The following NPAT variants were observed in gnomAD, a reference collection of about 807,000 sequenced individuals.
The protein encoded by NPAT is protein NPAT.
NPAT carries 52 observed loss-of-function variants against 130.7 expected under a neutral mutation model. The observed-to-expected ratio is 0.40, with a 90% CI of 0.32 to 0.50. NPAT has a LOEUF of 0.50. NPAT is among the 20% of genes least tolerant of loss of function. The pLI is 0.68. For missense variants in NPAT, 1,687 were observed against 1,662.6 expected (o/e 1.01, Z -0.26); for synonymous variants, 580 against 584.8 (o/e 0.99, Z 0.12).
Position 108,172,880 on chromosome 11 carries a change from G to T in NPAT, c.2104C>A (p.Pro702Thr). ...ACTGAAGAACACACAGATTCTGGAGGAAGAGAGTGACTGTTTTCTACAGGA... is the reference window on the plus strand; with the variant it reads ...ACTGAAGAACACACAGATTCTGGAGTAAGAGAGTGACTGTTTTCTACAGGA... ...GTPVENSHSLPPESVCSSVGD... is the reference protein window; with the variant it reads ...GTPVENSHSLTPESVCSSVGD... The change falls in exon 13 of 18, where the codon CCT becomes ACT. Residue 702 changes from proline (P) to threonine (T), a missense_variant. Pro to Thr is a conservative substitution (Grantham distance 38). Around this residue, in one of 3 missense-constraint regions of NPAT, gnomAD observed 1,379 missense variants for 1,346.6 expected, o/e 1.02. Coordinates refer to ENST00000278612, the MANE Select transcript of NPAT (RefSeq NM_002519.3). The T allele has an allele frequency of 6.2e-7, 1 of 1,614,082 alleles. No individual in the cohort carries two copies. Among genetic ancestry groups the T allele is most frequent in the South Asian group, 1.1e-5 (1 of 91,086 alleles).
At chr11:108,194,039 A>G (rs1468269742) in intron 2 of NPAT, 22 bp from the exon 3 acceptor site, 2 of 1,246,304 alleles carry the variant, frequency 1.6e-6, no homozygotes, top group Admixed American at 3.4e-5. Context: ...AAGATCAAAT[A>G]TTACCAAAAT....
At chr11:108,218,371 A>G (rs889400316) in intron 1 of NPAT, among the ~76,000 whole-genome samples, 8 of 152,228 alleles carry the variant, frequency 5.3e-5, no homozygotes, top group African/African-American at 1.9e-4. Flanking sequence ...AGATAAAAAG[A>G]GAGGTTTAAA....
chr11:108,166,228 C>T (rs893730056), intron 15 of NPAT, among the ~76,000 whole-genome samples: 1 of 151,970 alleles, frequency 6.6e-6, no homozygotes, highest in Non-Finnish European at 1.5e-5. Context: ...CCTGTCTCTA[C>T]TAAAAATACA....
chr11:108,212,246 C>T (rs768777839), intron 1 of NPAT, among the ~76,000 whole-genome samples: 5 of 151,982 alleles, frequency 3.3e-5, no homozygotes, highest in South Asian at 2.1e-4. Context: ...GCATCCAGGC[C>T]GGGTGCAGTG....
In NPAT at chr11:108,169,932, CGAG is replaced by C; in HGVS notation, c.2894_2896del (p.Pro965del). The C allele has an allele frequency of 6.2e-7, 1 of 1,612,668 alleles. No individual in the cohort carries two copies. The highest frequency in any genetic ancestry group is 1.1e-5 in the South Asian group (1 of 91,030). ...TTTTCAGTTCATAAATCTTACCTGC[CGAG>C]GAGGAGTAGAAAAGTTATTTCCATT... On this transcript the variant is annotated inframe_deletion, in exon 14 of 18. Coordinates refer to ENST00000278612, the MANE Select transcript of NPAT (RefSeq NM_002519.3).
At chr11:108,214,870 T>A (rs2078418499) in intron 1 of NPAT, among the ~76,000 whole-genome samples, 1 of 152,116 alleles carries the variant, frequency 6.6e-6, no homozygotes, top group South Asian at 2.1e-4. Flanking sequence ...TGACCTCAGG[T>A]GATTTGCCCG....
intron 7 of NPAT, among the ~76,000 whole-genome samples, chr11:108,187,001 C>T (rs2078114001): frequency 6.6e-6 from 1 of 152,158 alleles, no homozygotes; most frequent in African/African-American, 2.4e-5. Context: ...TTACCACTTA[C>T]TACCTATGGT....
intron 1 of NPAT, among the ~76,000 whole-genome samples, chr11:108,207,438 G>A (rs2078339572): frequency 6.6e-6 from 1 of 152,222 alleles, no homozygotes; most frequent in South Asian, 2.1e-4. Flanking sequence ...CATCCAAGGT[G>A]CCCACGGTGC....
intron 1 of NPAT, among the ~76,000 whole-genome samples, chr11:108,208,209 A>G (rs1321512915): frequency 6.6e-6 from 1 of 152,184 alleles, no homozygotes. Context: ...GTTTTGGAGC[A>G]TTCTGAATTT....
Position 108,161,200 on chromosome 11 carries a change from T to C in NPAT, c.3886A>G (p.Ser1296Gly). 6.2e-7 allele frequency: 1 copy of C among 1,614,184 alleles called. No individual in the cohort carries two copies. The highest frequency in any genetic ancestry group is 1.1e-5 in the South Asian group (1 of 91,084). ...ACTTTTGATGTACTACTGTCTTCAC[T>C]GAAACGCCTACTAGAGGGGGCCTTG... is the stretch of plus-strand genomic sequence containing the variant. ...IIKAPSSRRF[S>G]EDSSTSKVMV... The change falls in exon 17 of 18, where the codon AGT (serine) becomes GGT (glycine). Residue 1296 changes from serine to glycine, a missense_variant. Ser to Gly is a moderately conservative substitution (Grantham distance 56, BLOSUM62 0). Coordinates refer to ENST00000278612, the MANE Select transcript of NPAT (RefSeq NM_002519.3).
chr11:108,203,707 G>T (rs1483053035), intron 1 of NPAT, among the ~76,000 whole-genome samples: 1 of 152,086 alleles, frequency 6.6e-6, no homozygotes, highest in Non-Finnish European at 1.5e-5. Context: ...ACCCCCAAGG[G>T]ATTATATACT....
chr11:108,178,355 G>A (rs1366684655), intron 10 of NPAT, among the ~76,000 whole-genome samples: 1 of 152,060 alleles, frequency 6.6e-6, no homozygotes, highest in East Asian at 1.9e-4. Context: ...TGTTTCTGGG[G>A]GAGTATGAGA....
intron 15 of NPAT, among the ~76,000 whole-genome samples, chr11:108,165,461 T>C (rs1181509041): frequency 9.7e-6 from 1 of 102,884 alleles, no homozygotes; most frequent in Non-Finnish European, 1.9e-5. Flanking sequence ...TTTATATATA[T>C]ATATATATAT....
intron 1 of NPAT, among the ~76,000 whole-genome samples, chr11:108,203,418 T>A (rs961554696): frequency 6.6e-6 from 1 of 152,158 alleles, no homozygotes; most frequent in African/African-American, 2.4e-5. Flanking sequence ...ATACCATACT[T>A]CTTTCTACTC....
chr11:108,175,188 G>A (rs575952850), intron 12 of NPAT, among the ~76,000 whole-genome samples: 2 of 152,204 alleles, frequency 1.3e-5, no homozygotes, highest in East Asian at 1.9e-4. Flanking sequence ...TGTTATAACT[G>A]TCCCATTTTA....
intron 1 of NPAT, among the ~76,000 whole-genome samples, chr11:108,218,315 C>T (rs904663253): frequency 6.6e-6 from 1 of 152,006 alleles, no homozygotes; most frequent in Non-Finnish European, 1.5e-5. Context: ...GGATAAGATC[C>T]TAACTATATG....
intron 1 of NPAT, among the ~76,000 whole-genome samples, chr11:108,201,546 C>T (rs542823242): frequency 6.6e-6 from 1 of 152,296 alleles, no homozygotes; most frequent in East Asian, 1.9e-4. Context: ...AGGTCCAGCC[C>T]AGAAACCTGT....
At chr11:108,180,440 A>G (rs1353101303) in intron 10 of NPAT, among the ~76,000 whole-genome samples, 1 of 152,380 alleles carries the variant, frequency 6.6e-6, no homozygotes, top group South Asian at 2.1e-4. Context: ...AAAGGCATAC[A>G]TGTGAAACGA....
chr11:108,169,665 A>C (rs1388283064), intron 15 of NPAT, 79 bp downstream of exon 15: 3 of 1,052,480 alleles, frequency 2.9e-6, no homozygotes, highest in Non-Finnish European at 4.5e-6. Flanking sequence ...AGGTATTCAG[A>C]AAGAAAACAT....
Sources: gnomAD v4.1 joint callset for allele counts (sites outside exome capture counted in the v4.1 genomes callset) on GRCh38, gnomAD v4.1.1 for gene constraint, gnomAD v4.1.1 regional missense constraint, MANE v1.5 for transcripts, NCBI Gene and HGNC (gene_info 2026-07-23, HGNC 2026-07-21) for gene names.